Variants in PHIP observed in about 807,000 individuals in gnomAD.
PHIP encodes the protein PH-interacting protein.
PHIP carries 54 observed loss-of-function variants against 236.8 expected under a neutral mutation model. The ratio of observed to expected loss-of-function variants is 0.23; its 90% confidence interval spans 0.18 to 0.29. The LOEUF (loss-of-function observed/expected upper bound fraction) is 0.29. PHIP is among the 10% of genes least tolerant of loss of function. PHIP has a pLI of 1.00. For missense variants in PHIP, 1,370 were observed against 2,190.8 expected (o/e 0.63, Z 7.48); for synonymous variants, 756 against 718.9 (o/e 1.05, Z -0.83).
chr6:79,003,993 T>C, intron 15 of PHIP, 135 bp from the exon 16 acceptor site: 1 of 508,824 alleles, frequency 2.0e-6, no homozygotes, highest in South Asian at 4.8e-5. Flanking sequence ...CATTGTACAG[T>C]AATAAAATTT....
chr6:78,989,683 T>G (rs1769093835), intron 20 of PHIP, among the ~76,000 whole-genome samples: 2 of 152,160 alleles, frequency 1.3e-5, no homozygotes, highest in African/African-American at 2.4e-5. Flanking sequence ...TTTTATTTCT[T>G]AAAAAGTCCT....
intron 4 of PHIP, among the ~76,000 whole-genome samples, chr6:79,068,810 T>C (rs1773750705): frequency 6.6e-6 from 1 of 152,216 alleles, no homozygotes; most frequent in East Asian, 1.9e-4. Context: ...TAGATCAATA[T>C]ATTCATTCCA....
At chr6:79,047,718 C>G (rs1360636093) in intron 6 of PHIP, among the ~76,000 whole-genome samples, 1 of 152,070 alleles carries the variant, frequency 6.6e-6, no homozygotes, top group Non-Finnish European at 1.5e-5. Flanking sequence ...ACAAATTTTA[C>G]ACAGTCAATT....
At chr6:79,041,882 A>C (rs1302806424) in intron 7 of PHIP, among the ~76,000 whole-genome samples, 1 of 152,072 alleles carries the variant, frequency 6.6e-6, no homozygotes, top group Non-Finnish European at 1.5e-5. Context: ...TGTTTTACAG[A>C]TGACTGGGTG....
chr6:79,030,644 G>A (rs960575866), intron 7 of PHIP, among the ~76,000 whole-genome samples: 1 of 152,154 alleles, frequency 6.6e-6, no homozygotes, highest in Non-Finnish European at 1.5e-5. Context: ...GTTTATGTGA[G>A]TAATAGATCT....
chr6:79,030,407 T>C (rs1233261850), intron 7 of PHIP, among the ~76,000 whole-genome samples: 1 of 152,204 alleles, frequency 6.6e-6, no homozygotes, highest in Non-Finnish European at 1.5e-5. Flanking sequence ...CATCTCAATG[T>C]TGCTGGGGAT....
At chr6:79,065,031 GCA>G (rs1773557711) in intron 4 of PHIP, among the ~76,000 whole-genome samples, 1 of 152,118 alleles carries the variant, frequency 6.6e-6, no homozygotes, top group South Asian at 2.1e-4. Flanking sequence ...GCTGCATTTT[GCA>G]CACAGTTCAT....
At chr6:79,052,436 T>C (rs571967936) in intron 6 of PHIP, among the ~76,000 whole-genome samples, 80 of 152,304 alleles carry the variant, frequency 5.3e-4, no homozygotes, top group Non-Finnish European at 9.3e-4. Context: ...GCGGACTATA[T>C]AGAGTGCTTT....
intron 7 of PHIP, among the ~76,000 whole-genome samples, chr6:79,036,208 A>T (rs1771925309): frequency 6.6e-6 from 1 of 152,218 alleles, no homozygotes; most frequent in Non-Finnish European, 1.5e-5. Flanking sequence ...AACATTTCAT[A>T]TTGAAAAGTA....
Position 79,015,175 on chromosome 6 carries a change from G to C in PHIP, c.1431C>G (p.Phe477Leu). 6.2e-7 allele frequency: 1 copy of C among 1,610,418 alleles called. No individual in the cohort carries two copies. The highest frequency in any genetic ancestry group is 8.5e-7 in the Non-Finnish European group (1 of 1,177,190). Residue 477 changes from phenylalanine to leucine, a missense_variant, in exon 15 of 40, where the codon TTC becomes TTG. Phe to Leu is a conservative substitution (Grantham distance 22). Coordinates refer to ENST00000275034, the MANE Select transcript of PHIP (RefSeq NM_017934.7). ...DEVFVLEPHP[F>L]DPRVLFSAGH... ...CAGCAGAAAAGAGAACTCTAGGATCGAACGGGTGTGGTTCAAGAACAAATA... is the reference window on the plus strand; with the variant it reads ...CAGCAGAAAAGAGAACTCTAGGATCCAACGGGTGTGGTTCAAGAACAAATA...
intron 32 of PHIP, 39 bp downstream of exon 32, chr6:78,958,436 A>G: frequency 8.2e-7 from 1 of 1,225,330 alleles, no homozygotes; most frequent in Non-Finnish European, 1.2e-6. Context: ...GCCATTAATT[A>G]TTAAAACTAT....
At position 78,983,119 on chromosome 6, in the gene PHIP, TA is replaced by T. The variant is rs777202228; in HGVS notation, c.2538-3del. On this transcript the variant is annotated splice_region_variant and splice_polypyrimidine_tract_variant and intron_variant, in intron 22 of 39. Transcript: ENST00000275034. ...TCAGAGTAATCACTGGAGTAGTCAC[TA>T]GAAGGAGAGAAGGGATTATTAGATA... The T allele has an allele frequency of 6.6e-6, 10 of 1,518,040 alleles. No individual in the cohort carries two copies. The Admixed American group carries it at 1.8e-4, about 27-fold the overall frequency. 94.0% of individuals were successfully genotyped at this position (1,518,040 alleles called of 1,614,324 possible).
At chr6:79,071,069 G>A (rs899601209) in intron 4 of PHIP, among the ~76,000 whole-genome samples, 3 of 152,152 alleles carry the variant, frequency 2.0e-5, no homozygotes, top group African/African-American at 7.2e-5. Flanking sequence ...AGAAGAAGCT[G>A]CATTCGACTA....
intron 4 of PHIP, among the ~76,000 whole-genome samples, chr6:79,069,353 T>C (rs1488348890): frequency 2.0e-5 from 3 of 151,884 alleles, no homozygotes; most frequent in African/African-American, 7.2e-5. Context: ...CTATAATCTT[T>C]AAAGAAAGAA....
chr6:79,016,309 T>C (rs905730955), intron 13 of PHIP, among the ~76,000 whole-genome samples: 1 of 152,014 alleles, frequency 6.6e-6, no homozygotes, highest in African/African-American at 2.4e-5. Flanking sequence ...GTTAAAACTT[T>C]TCTTACAGTA....
chr6:79,006,623 G>A lies in PHIP; in HGVS notation c.1525-2765C>T, dbSNP rs140085788. ...CCTATCATAAAATTAAATGCACTGC[G>A]TATCAAGAAAATGTGTCAACATAAA... is the stretch of plus-strand genomic sequence containing the variant. On this transcript the variant is annotated intron_variant, in intron 15 of 39. Coordinates refer to ENST00000275034, the MANE Select transcript of PHIP (RefSeq NM_017934.7). Among the ~76,000 whole-genome samples the A allele has an allele frequency of 7.2e-4, 110 of 152,050 alleles. 1 individual carries two copies. In the South Asian group the frequency reaches 9.1e-3, roughly 13 times the overall value.
At chr6:78,989,337 G>A (rs112977377) in intron 20 of PHIP, among the ~76,000 whole-genome samples, 1 of 152,136 alleles carries the variant, frequency 6.6e-6, no homozygotes, top group Admixed American at 6.5e-5. Flanking sequence ...AAGGCAAGAG[G>A]ATCACTTGAG....
chr6:78,992,587 T>A (rs890360645), intron 19 of PHIP, among the ~76,000 whole-genome samples: 3 of 152,160 alleles, frequency 2.0e-5, no homozygotes, highest in Non-Finnish European at 4.4e-5. Flanking sequence ...ATTTTGGTAA[T>A]TCTTAAAATA....
chr6:79,001,954 G>T lies in PHIP; in HGVS notation c.1824C>A (p.Gly608=). 6.2e-7 allele frequency: 1 copy of T among 1,613,104 alleles called. No homozygotes were observed. The highest frequency in any genetic ancestry group is 8.5e-7 in the Non-Finnish European group (1 of 1,179,388). ...HPSRYQRLVP[G]RENCREEQLI... ...GTTGCTCCTCCCTGCAATTTTCACG[G>T]CCAGGAACTAATCTTTGATATCTTG... Residue 608 remains glycine (G), a synonymous_variant, in exon 17 of 40, where the codon GGC becomes GGA. Coordinates refer to ENST00000275034, the MANE Select transcript of PHIP (RefSeq NM_017934.7).
Sources: allele counts gnomAD v4.1 joint callset (sites outside exome capture counted in the v4.1 genomes callset), GRCh38; gene constraint gnomAD v4.1.1; transcripts MANE v1.5; gene names NCBI Gene and HGNC (gene_info 2026-07-23, HGNC 2026-07-21).